NRG3: variants seen among roughly 807,000 people sequenced by gnomAD.
NRG3 encodes the protein neuregulin 3.
Under a neutral mutation model 66.9 loss-of-function variants are expected in NRG3, and 31 were observed. The observed-to-expected ratio is 0.46, with a 90% CI of 0.35 to 0.63. The LOEUF (loss-of-function observed/expected upper bound fraction) is 0.63. NRG3 is among the 20% of genes least tolerant of loss of function. NRG3 has a pLI of 0.00. For missense variants in NRG3, 910 were observed against 878.9 expected (o/e 1.04, Z -0.45); for synonymous variants, 393 against 359.4 (o/e 1.09, Z -1.06).
intron 4 of NRG3, among the ~76,000 whole-genome samples, chr10:82,869,415 C>A (rs1021568836): frequency 6.6e-6 from 1 of 152,056 alleles, no homozygotes; most frequent in South Asian, 2.1e-4. Context: ...CATTATGGTT[C>A]ATTCTTGATG....
intron 1 of NRG3, among the ~76,000 whole-genome samples, chr10:81,981,368 G>T (rs1289666741): frequency 6.6e-6 from 1 of 152,204 alleles, no homozygotes; most frequent in African/African-American, 2.4e-5. Flanking sequence ...TCCCTAGCAA[G>T]TTTCAAATGT....
intron 1 of NRG3, among the ~76,000 whole-genome samples, chr10:82,031,284 G>A (rs2062556847): frequency 6.6e-6 from 1 of 152,000 alleles, no homozygotes; most frequent in Non-Finnish European, 1.5e-5. Context: ...GGTGGACCAG[G>A]GATTTTAATT....
intron 1 of NRG3, among the ~76,000 whole-genome samples, chr10:82,299,098 A>T (rs532191085): frequency 6.6e-6 from 1 of 152,204 alleles, no homozygotes; most frequent in African/African-American, 2.4e-5. Context: ...CCCACCATGG[A>T]GATTGGGTTT....
At chr10:82,847,670 A>G (rs1470987124) in intron 3 of NRG3, among the ~76,000 whole-genome samples, 2 of 152,186 alleles carry the variant, frequency 1.3e-5, no homozygotes, top group Non-Finnish European at 2.9e-5. Flanking sequence ...ATGTATTTTG[A>G]TGGTGGAGAC....
At chr10:82,255,800 T>A (rs1340858674) in intron 1 of NRG3, among the ~76,000 whole-genome samples, 3 of 151,830 alleles carry the variant, frequency 2.0e-5, no homozygotes, top group African/African-American at 7.3e-5. Flanking sequence ...GATGGGGTTT[T>A]ACCATGTCAT....
chr10:82,380,959 T>C (rs2085576549), intron 2 of NRG3, among the ~76,000 whole-genome samples: 1 of 152,152 alleles, frequency 6.6e-6, no homozygotes, highest in African/African-American at 2.4e-5. Flanking sequence ...CCAGCAATGC[T>C]AATACCTACA....
At chr10:82,346,370 T>C (rs1310409834) in intron 1 of NRG3, among the ~76,000 whole-genome samples, 1 of 142,600 alleles carries the variant, frequency 7.0e-6, no homozygotes, top group African/African-American at 2.9e-5. Context: ...ATTATATTTA[T>C]TGATTTGCGT....
At chr10:82,729,443 AT>A (rs200205407) in intron 2 of NRG3, among the ~76,000 whole-genome samples, 5,988 of 151,852 alleles carry the variant, frequency 0.039, 176 homozygotes, top group East Asian at 0.12. Context: ...CTAAAAATAG[AT>A]TTTTTTTTAT....
intron 2 of NRG3, among the ~76,000 whole-genome samples, chr10:82,549,505 T>C (rs2044161804): frequency 6.6e-6 from 1 of 151,996 alleles, no homozygotes; most frequent in Non-Finnish European, 1.5e-5. Context: ...TGCCAGCAGA[T>C]TGATTTTCTA....
intron 1 of NRG3, among the ~76,000 whole-genome samples, chr10:82,293,555 C>T (rs1035898711): frequency 1.3e-5 from 2 of 152,120 alleles, no homozygotes; most frequent in African/African-American, 4.8e-5. Flanking sequence ...AATTATATGA[C>T]CAATTTTTCT....
intron 1 of NRG3, among the ~76,000 whole-genome samples, chr10:82,121,417 C>T (rs1192642866): frequency 6.6e-6 from 1 of 152,124 alleles, no homozygotes; most frequent in Admixed American, 6.6e-5. Context: ...GAAATAGTCC[C>T]TCAAAGAGAG....
intron 2 of NRG3, among the ~76,000 whole-genome samples, chr10:82,385,387 A>C (rs2085912454): frequency 6.6e-6 from 1 of 152,162 alleles, no homozygotes; most frequent in Non-Finnish European, 1.5e-5. Context: ...AATCAAGAAT[A>C]ACAATAATAG....
rs1346419162 is a variant in NRG3 at position 82,564,890 on chromosome 10, T to A, written c.954-173687T>A. 2.0e-5 allele frequency among the ~76,000 whole-genome samples: 3 copies of A among 152,140 alleles called. No individual in the cohort carries two copies. The East Asian group carries it at 5.8e-4, about 29-fold the overall frequency. ...ACAAGACAAAAGGCACCTTCCCAATTTGTGTGTTCTTTCTTTTAATCTTGA... is the reference window on the plus strand; with the variant it reads ...ACAAGACAAAAGGCACCTTCCCAATATGTGTGTTCTTTCTTTTAATCTTGA... On this transcript the variant is annotated intron_variant, in intron 2 of 8. Transcript: ENST00000372141.
At chr10:82,189,954 C>T (rs890269766) in intron 1 of NRG3, among the ~76,000 whole-genome samples, 12 of 151,656 alleles carry the variant, frequency 7.9e-5, no homozygotes, top group African/African-American at 2.9e-4. Flanking sequence ...CAGAGCGAGA[C>T]CCCGCCTGAA....
At chr10:81,898,735 A>G (rs1843751394) in intron 1 of NRG3, among the ~76,000 whole-genome samples, 1 of 152,258 alleles carries the variant, frequency 6.6e-6, no homozygotes, top group African/African-American at 2.4e-5. Flanking sequence ...AATACTTGAA[A>G]TATTTGAAAA....
intron 3 of NRG3, among the ~76,000 whole-genome samples, chr10:82,828,085 G>A (rs893859650): frequency 1.2e-4 from 19 of 152,082 alleles, no homozygotes; most frequent in African/African-American, 4.3e-4. Flanking sequence ...ACGACTGGCT[G>A]TCTTCTGCAT....
intron 2 of NRG3, among the ~76,000 whole-genome samples, chr10:82,450,000 T>G (rs2090941471): frequency 6.6e-6 from 1 of 152,168 alleles, no homozygotes; most frequent in South Asian, 2.1e-4. Flanking sequence ...TGGATTTTGT[T>G]TGTTTGTTTT....
intron 2 of NRG3, among the ~76,000 whole-genome samples, chr10:82,479,711 T>TAATCCCAGCACG (rs1554938904): frequency 6.8e-6 from 1 of 146,642 alleles, no homozygotes; most frequent in Non-Finnish European, 1.5e-5. Flanking sequence ...CTCATGCCTG[T>TAATCCCAGCACG]AATCCCAGCA....
At chr10:82,155,315 T>G (rs1205133683) in intron 1 of NRG3, among the ~76,000 whole-genome samples, 1 of 151,780 alleles carries the variant, frequency 6.6e-6, no homozygotes, top group Non-Finnish European at 1.5e-5. Context: ...TAGTGTTGAT[T>G]TAATCAGGAT....
Sources: gnomAD v4.1 joint callset for allele counts (sites outside exome capture counted in the v4.1 genomes callset) on GRCh38, gnomAD v4.1.1 for gene constraint, MANE v1.5 for transcripts, NCBI Gene and HGNC (gene_info 2026-07-23, HGNC 2026-07-21) for gene names.